The following GALK2 variants were observed in gnomAD, a reference collection of about 807,000 sequenced individuals.
GALK2 encodes N-acetylgalactosamine kinase.
A neutral mutation model predicts 52.4 loss-of-function variants in GALK2; 36 were observed. The observed-to-expected ratio is 0.69, with a 90% confidence interval of 0.53 to 0.91. The LOEUF (loss-of-function observed/expected upper bound fraction) is 0.91, where lower values mean the gene tolerates loss of function less well. Ranked by LOEUF, GALK2 falls within the 40% of genes least tolerant of loss-of-function variation. GALK2 has a pLI of 0.00. For missense variants in GALK2, 579 were observed against 559.1 expected, an observed-to-expected ratio of 1.04 and a Z score of -0.36; for synonymous variants, 176 against 199.1, an observed-to-expected ratio of 0.88 and a Z score of 0.98.
At chr15:49,248,821 T>G (rs549647958) in intron 5 of GALK2, among the ~76,000 whole-genome samples, 1 of 152,210 alleles carries the variant, frequency 6.6e-6, no homozygotes, top group Non-Finnish European at 1.5e-5. Context: ...GCTAAATACT[T>G]GTTTACCTTT....
At chr15:49,318,923 G>A (rs2036645631) in intron 8 of GALK2, 3 of 452,214 alleles carry the variant, frequency 6.6e-6, no homozygotes, top group Non-Finnish European at 1.3e-5. Flanking sequence ...GCTGTGATGA[G>A]AACTTTATGA....
At chr15:49,267,071 T>G (rs183702051) in intron 5 of GALK2, among the ~76,000 whole-genome samples, 58 of 152,288 alleles carry the variant, frequency 3.8e-4, no homozygotes, top group Non-Finnish European at 4.0e-4. Context: ...GAAAAAAATA[T>G]TCAATGATAT....
chr15:49,190,813 T>C (rs893454172), intron 1 of GALK2, among the ~76,000 whole-genome samples: 2 of 152,198 alleles, frequency 1.3e-5, no homozygotes, highest in African/African-American at 4.8e-5. Flanking sequence ...AGGAATTCAG[T>C]TGTTTCTGTA....
At chr15:49,299,110 C>T (rs956661322) in intron 8 of GALK2, among the ~76,000 whole-genome samples, 5 of 151,960 alleles carry the variant, frequency 3.3e-5, no homozygotes, top group Admixed American at 6.6e-5. Context: ...TTCAGGAATT[C>T]AGTTTCTTCC....
intron 5 of GALK2, among the ~76,000 whole-genome samples, chr15:49,248,076 T>G (rs2091435260): frequency 6.6e-6 from 1 of 152,232 alleles, no homozygotes; most frequent in African/African-American, 2.4e-5. Flanking sequence ...AAGTGCTGTT[T>G]CCTTGAGAAA....
At chr15:49,363,464 C>T (rs182162759) in intron 3 of GALK2, among the ~76,000 whole-genome samples, 1 of 152,242 alleles carries the variant, frequency 6.6e-6, no homozygotes, top group Admixed American at 6.5e-5. Flanking sequence ...GATTTTTGTA[C>T]ATTGATTTTG....
intron 6 of GALK2, 65 bp downstream of exon 6, chr15:49,282,150 A>G: frequency 8.9e-7 from 1 of 1,126,622 alleles, no homozygotes. Context: ...ATGGAGAAGA[A>G]GGCCCTGAGA....
In GALK2 at chr15:49,329,139, C is replaced by A; in HGVS notation, c.*980C>A. 2.0e-6 allele frequency: 2 copies of A among 989,152 alleles called. No homozygotes were observed. Among genetic ancestry groups the A allele is most frequent in the Non-Finnish European group, 2.4e-6 (2 of 832,256 alleles). The allele number at this position is 989,152 out of a possible 1,614,324, so 61.3% of individuals were successfully genotyped here. A position where few individuals can be genotyped will look rare whatever the true frequency, so the allele number is the denominator to read the frequency against. ...GCAAAGCTTGTTTGTATATATGCACCCCATTGTAAAGCAGGTATGCAGGTA... is the reference window on the plus strand; with the variant it reads ...GCAAAGCTTGTTTGTATATATGCACACCATTGTAAAGCAGGTATGCAGGTA... On this transcript the variant is annotated 3_prime_UTR_variant, in exon 10 of 10. Transcript: ENST00000560031.
chr15:49,220,511 C>A (rs750525181), intron 3 of GALK2, among the ~76,000 whole-genome samples: 3 of 152,056 alleles, frequency 2.0e-5, no homozygotes, highest in Non-Finnish European at 4.4e-5. Flanking sequence ...GATTCCCTAT[C>A]TTTGCTATTG....
chr15:49,242,446 A>C (rs144900248), intron 5 of GALK2, among the ~76,000 whole-genome samples: 36 of 152,330 alleles, frequency 2.4e-4, no homozygotes, highest in African/African-American at 7.9e-4. Context: ...CATAGAGGTC[A>C]GCCTTTTGGG....
intron 5 of GALK2, among the ~76,000 whole-genome samples, chr15:49,240,417 G>A (rs1365089029): frequency 1.3e-5 from 2 of 152,112 alleles, no homozygotes; most frequent in Non-Finnish European, 2.9e-5. Flanking sequence ...AGGCATTGGA[G>A]ATATAATAAG....
intron 3 of GALK2, among the ~76,000 whole-genome samples, chr15:49,229,594 C>A (rs752208314): frequency 5.3e-5 from 8 of 152,078 alleles, no homozygotes; most frequent in Admixed American, 1.3e-4. Flanking sequence ...ATTCTTAGTA[C>A]CCTGGATTGT....
At chr15:49,309,065 G>A (rs1258296292) in intron 8 of GALK2, among the ~76,000 whole-genome samples, 10 of 152,148 alleles carry the variant, frequency 6.6e-5, no homozygotes, top group African/African-American at 2.4e-4. Context: ...TCTGGTGTCC[G>A]GGCACTTGTT....
At chr15:49,273,476 A>G (rs1411667651) in intron 5 of GALK2, among the ~76,000 whole-genome samples, 1 of 152,158 alleles carries the variant, frequency 6.6e-6, no homozygotes, top group African/African-American at 2.4e-5. Context: ...GAAAGTTGCT[A>G]ATTCCTTTGC....
At chr15:49,355,424 C>G (rs188245750) in intron 3 of GALK2, among the ~76,000 whole-genome samples, 14 of 152,136 alleles carry the variant, frequency 9.2e-5, no homozygotes, top group South Asian at 4.2e-4. Context: ...AACCAAGGCT[C>G]GAGAACTACG....
At position 49,292,176 on chromosome 15, in the gene GALK2, T is replaced by G. The variant is rs1370737962; in HGVS notation, c.757-151T>G. 3 of 651,874 alleles carry G rather than the reference T, an allele frequency of 4.6e-6. No individual in the cohort carries two copies. The East Asian group carries it at 8.0e-5, about 17-fold the overall frequency. The allele number at this position is 651,874 out of a possible 1,614,324, so 40.4% of individuals were successfully genotyped here. Reference sequence around the variant, plus strand: ...TAATTCCAGGCATCTGAAGCCAGTATGCATTTCCAAGTAATGGTGGGAAAG... The same window carrying G: ...TAATTCCAGGCATCTGAAGCCAGTAGGCATTTCCAAGTAATGGTGGGAAAG... On this transcript the variant is annotated intron_variant, in intron 7 of 9. Coordinates refer to ENST00000560031, the MANE Select transcript of GALK2 (RefSeq NM_002044.4).
intron 1 of GALK2, among the ~76,000 whole-genome samples, chr15:49,157,582 C>G (rs1049118412): frequency 1.3e-5 from 2 of 152,054 alleles, no homozygotes; most frequent in Non-Finnish European, 1.5e-5. Flanking sequence ...GAAAAAGTAA[C>G]ATTTCTCTGG....
At chr15:49,318,038 C>A (rs1233818710) in intron 8 of GALK2, 2 of 146,722 alleles carry the variant, frequency 1.4e-5, no homozygotes, top group African/African-American at 2.4e-5. Context: ...GCACATGTAT[C>A]CCAGAATTTA....
chr15:49,175,672 A>G (rs2085391749), intron 1 of GALK2, among the ~76,000 whole-genome samples: 1 of 152,184 alleles, frequency 6.6e-6, no homozygotes, highest in Non-Finnish European at 1.5e-5. Flanking sequence ...ACCACCTCTC[A>G]TATTGTCTTA....
Sources: gnomAD v4.1 joint callset for allele counts (sites outside exome capture counted in the v4.1 genomes callset) on GRCh38, gnomAD v4.1.1 for gene constraint, MANE v1.5 for transcripts, NCBI Gene and HGNC (gene_info 2026-07-23, HGNC 2026-07-21) for gene names.